Variants in NDC80 observed in about 807,000 individuals in gnomAD.
NDC80 encodes the protein kinetochore protein NDC80 homolog.
A neutral mutation model predicts 89.3 loss-of-function variants in NDC80; 69 were observed. The ratio of observed to expected loss-of-function variants is 0.77; its 90% CI spans 0.64 to 0.94. The LOEUF is 0.94. NDC80 is among the 40% of genes least tolerant of loss of function. The pLI is 0.00. For missense variants in NDC80, 593 were observed against 739.6 expected (o/e 0.80, Z 2.30); for synonymous variants, 243 against 255.6 (o/e 0.95, Z 0.47).
chr18:2,613,778 A>G (rs7240331), intron 16 of NDC80, among the ~76,000 whole-genome samples: 8,993 of 152,248 alleles, frequency 0.059, 869 homozygotes, highest in African/African-American at 0.2. Context: ...ATCAAAAGAC[A>G]CGGAAAGAGA....
chr18:2,613,261 A>G (rs541881676), intron 16 of NDC80, among the ~76,000 whole-genome samples: 58 of 152,346 alleles, frequency 3.8e-4, no homozygotes, highest in Non-Finnish European at 6.3e-4. Flanking sequence ...AGCAATTGTT[A>G]AGAAAACCAT....
chr18:2,610,710 G>A (rs2072738543), intron 15 of NDC80, 49 bp from the exon 16 acceptor site: 1 of 1,261,058 alleles, frequency 7.9e-7, no homozygotes, highest in African/African-American at 1.5e-5. Flanking sequence ...TAGAACGGAT[G>A]TATTAATTTT....
chr18:2,580,335 TC>T (rs200941572), intron 6 of NDC80, among the ~76,000 whole-genome samples: 74 of 151,282 alleles, frequency 4.9e-4, no homozygotes, highest in African/African-American at 1.4e-3. Flanking sequence ...TTTCTCTCTC[TC>T]TTTTTTTTTT....
Position 2,599,071 on chromosome 18 carries a change from T to C in NDC80, c.1274T>C (p.Ile425Thr). The C allele has an allele frequency of 6.2e-7, 1 of 1,612,002 alleles. No individual in the cohort carries two copies. The highest frequency in any genetic ancestry group is 8.5e-7 in the Non-Finnish European group (1 of 1,179,056). ...AAATTGGCTAGAAAATTAAAACTTA[T>C]TCCTAAAGGTGCTGAGAATTCCAAA... The part of the protein sequence containing the change: ...YHKLARKLKL[I>T]PKGAENSKGY... Residue 425 changes from isoleucine to threonine, a missense_variant, in exon 12 of 17, where the codon ATT becomes ACT. By Grantham distance (89) the Ile-to-Thr change is moderately conservative. Transcript: ENST00000261597.
chr18:2,579,608 G>A (rs1372190917), intron 6 of NDC80, among the ~76,000 whole-genome samples: 2 of 151,892 alleles, frequency 1.3e-5, no homozygotes, highest in Non-Finnish European at 2.9e-5. Flanking sequence ...TCTATTTTTA[G>A]TAGAGACGGG....
intron 15 of NDC80, among the ~76,000 whole-genome samples, chr18:2,609,315 T>C (rs1269347078): frequency 2.6e-5 from 4 of 152,108 alleles, no homozygotes; most frequent in African/African-American, 9.7e-5. Flanking sequence ...TGCAAAATCA[T>C]GCCATAAAAA....
At chr18:2,586,778 A>G (rs1052177795) in intron 7 of NDC80, among the ~76,000 whole-genome samples, 11 of 152,180 alleles carry the variant, frequency 7.2e-5, no homozygotes, top group Admixed American at 6.5e-4. Context: ...AGGTTAAAAA[A>G]TTATTCTTGC....
intron 13 of NDC80, 152 bp downstream of exon 13, chr18:2,601,637 T>C (rs1022042016): frequency 5.0e-6 from 2 of 396,732 alleles, no homozygotes; most frequent in Non-Finnish European, 9.3e-6. Flanking sequence ...GACAGAAATA[T>C]TTGAAGTAAC....
At chr18:2,574,248 G>A (rs1024162508) in intron 2 of NDC80, among the ~76,000 whole-genome samples, 3 of 152,184 alleles carry the variant, frequency 2.0e-5, no homozygotes, top group Non-Finnish European at 4.4e-5. Flanking sequence ...GGAGAGATCT[G>A]TTAAAGGACA....
chr18:2,583,585 T>C (rs749455135), intron 6 of NDC80, among the ~76,000 whole-genome samples: 10 of 151,612 alleles, frequency 6.6e-5, no homozygotes, highest in African/African-American at 1.2e-4. Context: ...TAATCCCAGC[T>C]ACTCAGGAGG....
chr18:2,597,917 T>A lies in NDC80; in HGVS notation c.1222-1102T>A, dbSNP rs760363292. ...GAAGGAAGAAGTTGTGAGACAGGAATGGGGATGGATGTGTTATATCCACGT... is the reference window on the plus strand; with the variant it reads ...GAAGGAAGAAGTTGTGAGACAGGAAAGGGGATGGATGTGTTATATCCACGT... On this transcript the variant is annotated intron_variant, in intron 11 of 16. Transcript: ENST00000261597. Among the ~76,000 whole-genome samples the A allele has an allele frequency of 3.9e-5, 6 of 152,096 alleles. No homozygotes were observed. In the South Asian group the frequency reaches 8.3e-4, roughly 21 times the overall value.
rs2072649219 is a variant in NDC80, at chr18:2,595,352, G to T, written c.1016-64G>T. On this transcript the variant is annotated intron_variant, in intron 10 of 16. Coordinates refer to ENST00000261597, the MANE Select transcript of NDC80 (RefSeq NM_006101.3). Reference sequence around the variant, plus strand: ...TTTAGATATCTTAGCTCTATTACATGATGGCATCTGTTTCTTTGTAGGAAT... The same window carrying T: ...TTTAGATATCTTAGCTCTATTACATTATGGCATCTGTTTCTTTGTAGGAAT... The T allele has an allele frequency of 2.6e-6, 3 of 1,139,392 alleles. No homozygotes were observed. The East Asian group carries it at 7.5e-5, about 28-fold the overall frequency. The allele number at this position is 1,139,392 out of a possible 1,614,324, so 70.6% of individuals were successfully genotyped here. A position where few individuals can be genotyped will look rare whatever the true frequency, so the allele number is the denominator to read the frequency against.
At chr18:2,595,343 CTA>C in intron 10 of NDC80, 71 bp from the exon 11 acceptor site, 1 of 960,610 alleles carries the variant, frequency 1.0e-6, no homozygotes, top group Non-Finnish European at 1.6e-6. Context: ...TATCTTAGCT[CTA>C]TTACATGATG....
intron 3 of NDC80, chr18:2,577,215 C>CTT (rs11326622): frequency 1.7e-5 from 2 of 120,644 alleles, no homozygotes; most frequent in Non-Finnish European, 3.5e-5. Context: ...ACTGTCTGCG[C>CTT]TTTTTTTTTT....
At chr18:2,616,126 G>A (rs1043618467) in intron 16 of NDC80, among the ~76,000 whole-genome samples, 3 of 152,096 alleles carry the variant, frequency 2.0e-5, no homozygotes, top group Non-Finnish European at 4.4e-5. Context: ...CCCAGCCTCA[G>A]GTGATCTCCT....
chr18:2,592,926 A>G (rs750314194), intron 10 of NDC80, among the ~76,000 whole-genome samples: 12 of 152,156 alleles, frequency 7.9e-5, no homozygotes, highest in Non-Finnish European at 1.6e-4. Flanking sequence ...AAGGTTGGAA[A>G]ACACTATTGG....
intron 10 of NDC80, among the ~76,000 whole-genome samples, chr18:2,590,499 G>A (rs931373950): frequency 3.9e-5 from 6 of 152,074 alleles, no homozygotes; most frequent in East Asian, 1.9e-4. Flanking sequence ...ACATCACTCC[G>A]ATCTCTGCCT....
At position 2,578,985 on chromosome 18, in the gene NDC80, C is replaced by A; in HGVS notation, c.535C>A (p.Pro179Thr). 1 of 1,576,236 alleles carries A rather than the reference C, an allele frequency of 6.3e-7. No individual in the cohort carries two copies. Residue 179 changes from proline to threonine, a missense_variant, in exon 6 of 17, where the codon CCT becomes ACT. Physicochemically the swap from Pro to Thr is conservative, Grantham distance 38 (BLOSUM62 -1). Transcript: ENST00000261597. ...CACAGTGGGGGCTCCTCATACATGG[C>A]CTCACATTGTGGCAGCCTTAGTTTG... ...MYTVGAPHTW[P>T]HIVAALVWLI... is the part of the protein sequence containing the mutation.
intron 10 of NDC80, chr18:2,594,425 AAC>A (rs2072643605): frequency 6.2e-6 from 1 of 160,226 alleles, no homozygotes; most frequent in African/African-American, 2.4e-5. Flanking sequence ...GAAAAAAATC[AAC>A]AGTTTTCCTG....
Sources: gnomAD v4.1 joint callset for allele counts (sites outside exome capture counted in the v4.1 genomes callset) on GRCh38, gnomAD v4.1.1 for gene constraint, MANE v1.5 for transcripts, NCBI Gene and HGNC (gene_info 2026-07-23, HGNC 2026-07-21) for gene names.